SLC44A5: variants seen among roughly 807,000 people sequenced by gnomAD.
SLC44A5 encodes solute carrier family 44 member 5, also known as choline transporter-like protein 5.
A neutral mutation model predicts 101.8 loss-of-function variants in SLC44A5; 57 were observed. The observed-to-expected ratio is 0.56, with a 90% CI of 0.45 to 0.70. The LOEUF (loss-of-function observed/expected upper bound fraction) is 0.70, where lower values mean the gene tolerates loss of function less well. Among genes scored for constraint, SLC44A5 ranks in the 30% least tolerant of loss-of-function variants. The pLI, the probability that SLC44A5 is intolerant of heterozygous loss-of-function variation, is 0.00. For missense variants in SLC44A5, 737 were observed against 853.1 expected, an observed-to-expected ratio of 0.86 and a Z score of 1.70; for synonymous variants, 281 against 290.9, an observed-to-expected ratio of 0.97 and a Z score of 0.35.
intron 5 of SLC44A5, among the ~76,000 whole-genome samples, chr1:75,294,767 A>G (rs1159397521): frequency 6.6e-6 from 1 of 152,198 alleles, no homozygotes; most frequent in Non-Finnish European, 1.5e-5. Context: ...GCTAAGTGAA[A>G]TAAACAAGAC....
At chr1:75,271,852 A>C (rs1651507005) in intron 6 of SLC44A5, among the ~76,000 whole-genome samples, 1 of 152,142 alleles carries the variant, frequency 6.6e-6, no homozygotes, top group Non-Finnish European at 1.5e-5. Flanking sequence ...TTGCTGAATC[A>C]AATGGTAGAC....
intron 1 of SLC44A5, among the ~76,000 whole-genome samples, chr1:75,548,364 A>C (rs1285294767): frequency 6.6e-6 from 1 of 152,164 alleles, no homozygotes; most frequent in African/African-American, 2.4e-5. Flanking sequence ...TATGAAATTT[A>C]ATGATCTTTT....
At chr1:75,398,778 A>T (rs1662290778) in intron 2 of SLC44A5, among the ~76,000 whole-genome samples, 1 of 152,162 alleles carries the variant, frequency 6.6e-6, no homozygotes, top group African/African-American at 2.4e-5. Flanking sequence ...GTAACAGCTT[A>T]TGTCTTTTTC....
chr1:75,297,770 T>A (rs1182677347), intron 5 of SLC44A5, among the ~76,000 whole-genome samples: 1 of 152,232 alleles, frequency 6.6e-6, no homozygotes, highest in African/African-American at 2.4e-5. Flanking sequence ...TAAAGGTTAG[T>A]TTGATCTTTC....
At chr1:75,483,243 A>G (rs1231561655) in intron 2 of SLC44A5, among the ~76,000 whole-genome samples, 1 of 152,190 alleles carries the variant, frequency 6.6e-6, no homozygotes, top group Non-Finnish European at 1.5e-5. Flanking sequence ...TAAGAGAAAA[A>G]GATCCTTAGA....
chr1:75,685,328 C>T, the SLC44A5 span, among the ~76,000 whole-genome samples: 1 of 152,190 alleles, frequency 6.6e-6, no homozygotes, highest in African/African-American at 2.4e-5. Context: ...TTTGGATCCT[C>T]ATTACTTATG....
At chr1:75,483,887 G>A (rs559483822) in intron 2 of SLC44A5, among the ~76,000 whole-genome samples, 2 of 152,212 alleles carry the variant, frequency 1.3e-5, no homozygotes, top group Non-Finnish European at 2.9e-5. Flanking sequence ...CTTACATGGT[G>A]GCAGGAGAGA....
At chr1:75,434,730 C>G (rs1018423285) in intron 2 of SLC44A5, among the ~76,000 whole-genome samples, 1 of 152,080 alleles carries the variant, frequency 6.6e-6, no homozygotes, top group African/African-American at 2.4e-5. Context: ...AGTCTTTCCA[C>G]TTATTTCTAG....
chr1:75,567,984 T>C (rs572086362), intron 1 of SLC44A5, among the ~76,000 whole-genome samples: 3 of 152,320 alleles, frequency 2.0e-5, no homozygotes, highest in Non-Finnish European at 2.9e-5. Context: ...GAGCACAGAC[T>C]TCTCGGCATA....
intron 3 of SLC44A5, among the ~76,000 whole-genome samples, chr1:75,360,956 CA>C (rs1351736547): frequency 6.6e-6 from 1 of 152,016 alleles, no homozygotes; most frequent in African/African-American, 2.4e-5. Flanking sequence ...GATATCTTTC[CA>C]TTTATTTGTG....
intron 2 of SLC44A5, among the ~76,000 whole-genome samples, chr1:75,464,473 A>G (rs1478838021): frequency 6.6e-6 from 1 of 152,062 alleles, no homozygotes; most frequent in Non-Finnish European, 1.5e-5. Flanking sequence ...AATCGCCTTC[A>G]TTAAAAGGAA....
intron 3 of SLC44A5, among the ~76,000 whole-genome samples, chr1:75,384,928 G>C (rs1210007905): frequency 2.6e-4 from 39 of 150,928 alleles, no homozygotes; most frequent in South Asian, 1.0e-3. Context: ...CAACTACATG[G>C]AAACTGAACA....
chr1:75,209,749 G>A (rs1027921941), intron 23 of SLC44A5, among the ~76,000 whole-genome samples: 1 of 152,162 alleles, frequency 6.6e-6, no homozygotes, highest in Non-Finnish European at 1.5e-5. Context: ...TGATCCCAGT[G>A]TGAAGTTGGT....
At chr1:75,213,818 A>G in intron 21 of SLC44A5, 25 bp from the exon 22 acceptor site, 2 of 1,574,456 alleles carry the variant, frequency 1.3e-6, no homozygotes, top group Non-Finnish European at 1.7e-6. Context: ...TAGAACATGT[A>G]TATTATACTT....
chr1:75,375,084 A>G (rs926076272), intron 3 of SLC44A5, among the ~76,000 whole-genome samples: 19 of 152,224 alleles, frequency 1.2e-4, no homozygotes, highest in African/African-American at 4.6e-4. Context: ...ATTCAAGAGA[A>G]AATTAAAACC....
At chr1:75,290,962 GGA>G (rs749328670) in intron 5 of SLC44A5, among the ~76,000 whole-genome samples, 9 of 152,292 alleles carry the variant, frequency 5.9e-5, no homozygotes, top group Admixed American at 2.0e-4. Flanking sequence ...TGAATTGGAA[GGA>G]GAGTAGGATG....
the SLC44A5 span, among the ~76,000 whole-genome samples, chr1:75,672,694 C>A: frequency 6.6e-6 from 1 of 152,148 alleles, no homozygotes; most frequent in Non-Finnish European, 1.5e-5. Context: ...GGAGAGATTC[C>A]TTTTCTCTGC....
chr1:75,611,012 A>T, intron 1 of SLC44A5, 28 bp downstream of exon 1: 1 of 973,292 alleles, frequency 1.0e-6, no homozygotes, highest in Non-Finnish European at 1.2e-6. Context: ...ACAGACATAG[A>T]CTTCTTGCAT....
chr1:75,478,966 C>T (rs1290069305), intron 2 of SLC44A5, among the ~76,000 whole-genome samples: 1 of 152,300 alleles, frequency 6.6e-6, no homozygotes, highest in East Asian at 1.9e-4. Context: ...CAGCACCACA[C>T]CACACCTATT....
Sources: gnomAD v4.1 joint callset for allele counts (sites outside exome capture counted in the v4.1 genomes callset) on GRCh38, gnomAD v4.1.1 for gene constraint, MANE v1.5 for transcripts, NCBI Gene and HGNC (gene_info 2026-07-23, HGNC 2026-07-21) for gene names.